MYH13: variants seen among roughly 807,000 people sequenced by gnomAD.
MYH13 encodes myosin-13.
A neutral mutation model predicts 232.1 loss-of-function variants in MYH13; 177 were observed. That is an observed-to-expected ratio of 0.76 (90% CI 0.67 to 0.86). The LOEUF (loss-of-function observed/expected upper bound fraction) is 0.86, where lower values mean the gene tolerates loss of function less well. MYH13 is among the 40% of genes least tolerant of loss of function. MYH13 has a pLI of 0.00. For synonymous variants in MYH13, 884 were observed against 923.5 expected, an observed-to-expected ratio of 0.96 and a Z score of 0.78; for missense variants, 2,246 against 2,405.9, an observed-to-expected ratio of 0.93 and a Z score of 1.39.
At chr17:10,315,600 G>T (rs1194958086) in intron 29 of MYH13, 93 bp downstream of exon 29, 26 of 1,151,000 alleles carry the variant, frequency 2.3e-5, no homozygotes, top group Middle Eastern at 2.7e-4. Context: ...AGCTGCAGCA[G>T]ATTTCTTGAT....
Position 10,323,791 on chromosome 17 carries a change from AAGAAGAAGAAGAAGAAG to A in MYH13, c.2934+214_2934+230del, listed in dbSNP as rs1567661483. Among the ~76,000 whole-genome samples the A allele has an allele frequency of 3.2e-4, 12 of 37,138 alleles. No individual in the cohort carries two copies. In the East Asian group the frequency reaches 4.8e-3, roughly 15 times the overall value. 24.4% of individuals were successfully genotyped at this position (37,138 alleles called of 152,430 possible). A position where few individuals can be genotyped will look rare whatever the true frequency, so the allele number is the denominator to read the frequency against. The stretch of plus-strand genomic sequence containing the variant: ...AAAAAAAAAAAAAAAAAAAAAAAAG[AAGAAGAAGAAGAAGAAG>A]AAGAAGAAGAAGAAGAAGAAGAAGA... On this transcript the variant is annotated intron_variant, in intron 23 of 40. Transcript: ENST00000252172.
In MYH13 at chr17:10,345,185, C is replaced by A. The variant is rs372044228; in HGVS notation, c.1584+17G>T. The A allele has an allele frequency of 1.2e-6, 2 of 1,613,914 alleles. No homozygotes were observed. The highest frequency in any genetic ancestry group is 1.7e-6 in the Non-Finnish European group (2 of 1,179,908). Reference sequence around the variant, plus strand: ...CCCAATAAGGAGGAGCTGTCCCAGGCAGCAGTATCTCTCTACCTTCTCGAT... The same window carrying A: ...CCCAATAAGGAGGAGCTGTCCCAGGAAGCAGTATCTCTCTACCTTCTCGAT... On this transcript the variant is annotated intron_variant, in intron 15 of 40. Transcript: ENST00000252172.
intron 22 of MYH13, 79 bp downstream of exon 22, chr17:10,327,787 T>A (rs542963936): frequency 6.4e-7 from 1 of 1,556,848 alleles, no homozygotes; most frequent in African/African-American, 1.4e-5. Context: ...AATAGACACC[T>A]GATGGCGCCC....
Position 10,344,121 on chromosome 17 carries a change from A to G in MYH13, c.1585-12T>C, listed in dbSNP as rs751060547. On this transcript the variant is annotated splice_polypyrimidine_tract_variant and intron_variant, in intron 15 of 40. Coordinates refer to ENST00000252172, the MANE Select transcript of MYH13 (RefSeq NM_003802.3). ...AAGATGCCCATAGGCTGGAAAGAGG[A>G]TAACAGAGTCTACATATAATAGTGC... The G allele has an allele frequency of 1.2e-6, 2 of 1,613,618 alleles. No homozygotes were observed. The highest frequency in any genetic ancestry group is 8.5e-7 in the Non-Finnish European group (1 of 1,179,690).
intron 40 of MYH13, among the ~76,000 whole-genome samples, chr17:10,301,357 C>T (rs148837737): frequency 1.1e-3 from 166 of 152,282 alleles, no homozygotes; most frequent in African/African-American, 3.7e-3. Flanking sequence ...ATGGGACTCC[C>T]CCGGGGCTTG....
chr17:10,318,692 AC>A, intron 27 of MYH13, 97 bp downstream of exon 27: 1 of 1,469,892 alleles, frequency 6.8e-7, no homozygotes, highest in Non-Finnish European at 9.3e-7. Flanking sequence ...TCAGTGTAGA[AC>A]ATGCAGTGGT....
intron 16 of MYH13, 126 bp downstream of exon 16, chr17:10,343,674 A>G: frequency 1.8e-6 from 2 of 1,103,424 alleles, no homozygotes; most frequent in Non-Finnish European, 2.5e-6. Context: ...AGAAAAATGG[A>G]GCTGAAAGAG....
At chr17:10,341,043 T>C (rs552089232) in intron 16 of MYH13, 1 of 150,866 alleles carries the variant, frequency 6.6e-6, no homozygotes, top group South Asian at 2.1e-4. Context: ...CTTTTTGTTG[T>C]TGTTGTTTGT....
chr17:10,346,797 CACT>C lies in MYH13; in HGVS notation c.1145-2_1145del. On this transcript the variant is annotated splice_acceptor_variant and coding_sequence_variant, in exon 13 of 41. Coordinates refer to ENST00000252172, the MANE Select transcript of MYH13 (RefSeq NM_003802.3). LOFTEE classifies it high-confidence loss of function. ...CCATCAGGTATCCGGCTTTGTCAGCCACTGAAGGAAGAGAAAAAAATGGCATCA... is the reference window on the plus strand; with the variant it reads ...CCATCAGGTATCCGGCTTTGTCAGCCGAAGGAAGAGAAAAAAATGGCATCA... 1 of 1,612,772 alleles carries C rather than the reference CACT, an allele frequency of 6.2e-7. No individual in the cohort carries two copies. Among genetic ancestry groups the C allele is most frequent in the South Asian group, 1.1e-5 (1 of 90,918 alleles).
chr17:10,325,526 G>A (rs940072753), intron 22 of MYH13, among the ~76,000 whole-genome samples: 3 of 152,004 alleles, frequency 2.0e-5, no homozygotes, highest in Admixed American at 1.3e-4. Context: ...GTGTCTCCTC[G>A]AACCACAGAA....
intron 13 of MYH13, 57 bp from the exon 14 acceptor site, chr17:10,345,673 G>A: frequency 3.7e-6 from 6 of 1,612,572 alleles, no homozygotes; most frequent in Non-Finnish European, 5.1e-6. Context: ...GCTGCATTAA[G>A]TTGAAACATA....
chr17:10,308,579 G>T (rs1906376453), intron 35 of MYH13, among the ~76,000 whole-genome samples: 1 of 150,670 alleles, frequency 6.6e-6, no homozygotes, highest in Non-Finnish European at 1.5e-5. Flanking sequence ...ATTCACAATG[G>T]GCCTAAGAAT....
chr17:10,301,386 C>G (rs1349586314), intron 40 of MYH13, among the ~76,000 whole-genome samples, 183 bp downstream of exon 40: 1 of 152,150 alleles, frequency 6.6e-6, no homozygotes, highest in Non-Finnish European at 1.5e-5. Context: ...TGGGAAGAAG[C>G]CATACTCAGG....
chr17:10,356,441 G>A (rs2071749722), intron 8 of MYH13, among the ~76,000 whole-genome samples: 1 of 152,206 alleles, frequency 6.6e-6, no homozygotes, highest in Admixed American at 6.5e-5. Context: ...GGGAGTGCCT[G>A]AAGGTATTGT....
intron 23 of MYH13, among the ~76,000 whole-genome samples, chr17:10,323,787 A>AAAAAG (rs1907083494): frequency 9.0e-5 from 6 of 66,706 alleles, no homozygotes; most frequent in Admixed American, 1.8e-4. Context: ...AAAAAAAAAA[A>AAAAAG]AAGAAGAAGA....
chr17:10,324,104 C>A lies in MYH13; in HGVS notation c.2852G>T (p.Cys951Phe). The A allele has an allele frequency of 6.2e-7, 1 of 1,613,938 alleles. No individual in the cohort carries two copies. Among genetic ancestry groups the A allele is most frequent in the South Asian group, 1.1e-5 (1 of 91,058 alleles). Residue 951 changes from cysteine to phenylalanine, a missense_variant, in exon 23 of 41, where the codon TGC (cysteine) becomes TTC (phenylalanine). Physicochemically the swap from Cys to Phe is radical, Grantham distance 205 (BLOSUM62 -2). Coordinates refer to ENST00000252172, the MANE Select transcript of MYH13 (RefSeq NM_003802.3). The stretch of plus-strand genomic sequence containing the variant: ...ATCAATGTCTCTCTTGAGAGAGGAG[C>A]ATTTATCTTCCAGATTCCTCTTCTT... ...VAKKRNLEDKCSSLKRDIDDL... is the reference protein window; with the variant it reads ...VAKKRNLEDKFSSLKRDIDDL...
chr17:10,322,217 C>G (rs1906972630), intron 23 of MYH13, among the ~76,000 whole-genome samples: 1 of 140,964 alleles, frequency 7.1e-6, no homozygotes, highest in Admixed American at 7.7e-5. Context: ...ATCGTGAAAC[C>G]TCGTCTCTAC....
At chr17:10,327,829 A>T in intron 22 of MYH13, 37 bp downstream of exon 22, 1 of 1,595,346 alleles carries the variant, frequency 6.3e-7, no homozygotes, top group Non-Finnish European at 8.5e-7. Context: ...TGTCCTCCAG[A>T]GTCTGTGTTT....
At chr17:10,354,288 A>G (rs2071732133) in intron 11 of MYH13, among the ~76,000 whole-genome samples, 1 of 152,214 alleles carries the variant, frequency 6.6e-6, no homozygotes, top group South Asian at 2.1e-4. Context: ...GCTATTACAG[A>G]GTGGGCTTGG....
Sources: gnomAD v4.1 joint callset for allele counts (sites outside exome capture counted in the v4.1 genomes callset) on GRCh38, gnomAD v4.1.1 for gene constraint, MANE v1.5 for transcripts, NCBI Gene and HGNC (gene_info 2026-07-23, HGNC 2026-07-21) for gene names.